SNCAIP: variants seen among roughly 807,000 people sequenced by gnomAD.
SNCAIP encodes synphilin-1.
In SNCAIP, 43 loss-of-function variants were observed where a neutral mutation model predicts 86.7. The observed-to-expected ratio is 0.50, with a 90% CI of 0.39 to 0.64. The LOEUF is 0.64. Ranked by LOEUF, SNCAIP falls within the 30% of genes least tolerant of loss-of-function variation. The probability of loss-of-function intolerance (pLI) is 0.00; values close to 1 mark genes in which losing one functional copy is unlikely to be tolerated. For missense variants in SNCAIP, 981 were observed against 1,103.1 expected (o/e 0.89, Z 1.57); for synonymous variants, 417 against 427.2 (o/e 0.98, Z 0.29).
chr5:122,401,264 G>A (rs191250378), intron 2 of SNCAIP: 5 of 858,022 alleles, frequency 5.8e-6, no homozygotes, highest in Non-Finnish European at 8.5e-6. Flanking sequence ...TGGATCATTT[G>A]CTCATTCCCA....
chr5:122,430,781 A>G (rs958487537), intron 5 of SNCAIP, among the ~76,000 whole-genome samples: 4 of 152,200 alleles, frequency 2.6e-5, no homozygotes, highest in East Asian at 1.9e-4. Context: ...ATAAACGACT[A>G]TAAGAAAATC....
chr5:122,316,923 C>T (rs551332525), intron 1 of SNCAIP, among the ~76,000 whole-genome samples: 3 of 152,308 alleles, frequency 2.0e-5, no homozygotes, highest in South Asian at 4.1e-4. Flanking sequence ...CTTTATGGAA[C>T]GACCTTGGAT....
chr5:122,462,670 G>A (rs1489681900), intron 10 of SNCAIP, among the ~76,000 whole-genome samples: 1 of 152,170 alleles, frequency 6.6e-6, no homozygotes, highest in Non-Finnish European at 1.5e-5. Context: ...TTGAGACTCT[G>A]GAGCCATGCC....
chr5:122,349,988 A>G (rs1463777687), intron 1 of SNCAIP, among the ~76,000 whole-genome samples: 1 of 152,156 alleles, frequency 6.6e-6, no homozygotes, highest in East Asian at 1.9e-4. Context: ...ATTCTTCCCT[A>G]TTATGATTTG....
intron 1 of SNCAIP, among the ~76,000 whole-genome samples, chr5:122,359,745 C>T (rs981139635): frequency 8.5e-5 from 13 of 152,062 alleles, no homozygotes; most frequent in African/African-American, 3.1e-4. Flanking sequence ...AATTAGTGAA[C>T]AGTTTTATTT....
intron 1 of SNCAIP, among the ~76,000 whole-genome samples, chr5:122,330,117 CTTTT>C (rs1212303157): frequency 1.7e-4 from 16 of 96,824 alleles, no homozygotes; most frequent in African/African-American, 3.9e-4. Context: ...AACTTCATTT[CTTTT>C]TTTTTTTTTT....
intron 1 of SNCAIP, among the ~76,000 whole-genome samples, chr5:122,358,159 TTGTGTGTGTG>T (rs36222259): frequency 4.1e-4 from 56 of 138,020 alleles, no homozygotes; most frequent in East Asian, 2.5e-3. Context: ...ATTTGTTTCT[TTGTGTGTGTG>T]TGTGTGTGTG....
chr5:122,366,093 A>G (rs1312946609), intron 1 of SNCAIP, among the ~76,000 whole-genome samples: 1 of 152,244 alleles, frequency 6.6e-6, no homozygotes, highest in Non-Finnish European at 1.5e-5. Context: ...TATTTTATAC[A>G]GAGGAAAATT....
Position 122,399,175 on chromosome 5 carries a change from G to A in SNCAIP, c.58-4618G>A, listed in dbSNP as rs138590315. ...CATCTGCTGAGCTTAAAGTCATGGC[G>A]GAAATGAAGATGAGGAGGGAAGCTC... is the stretch of plus-strand genomic sequence containing the variant. On this transcript the variant is annotated intron_variant, in intron 2 of 10. Transcript: ENST00000261368. Among the ~76,000 whole-genome samples, 314 of 152,128 alleles carry A rather than the reference G, an allele frequency of 2.1e-3. 1 individual carries two copies. The highest frequency in any genetic ancestry group is 7.3e-3 in the African/African-American group (302 of 41,506).
rs754378362 is a variant in SNCAIP, at chr5:122,423,628, G to C, written c.891G>C (p.Gln297His). ...CAGCAGAATCCAAACCAGAAGAGCA[G>C]GTCAGTGGCCTAAACCGGACCAGCT... The part of the protein sequence containing the change: ...SSAAESKPEE[Q>H]VSGLNRTSSQ... Residue 297 changes from glutamine (Q) to histidine (H), a missense_variant, in exon 4 of 11, where the codon CAG becomes CAC. Transcript: ENST00000261368. 2.5e-6 allele frequency: 4 copies of C among 1,613,704 alleles called. No homozygotes were observed. The highest frequency in any genetic ancestry group is 2.5e-6 in the Non-Finnish European group (3 of 1,180,022).
At chr5:122,414,061 C>T (rs1050140486) in intron 3 of SNCAIP, among the ~76,000 whole-genome samples, 1 of 152,072 alleles carries the variant, frequency 6.6e-6, no homozygotes, top group Non-Finnish European at 1.5e-5. Context: ...AGGAGCAAGC[C>T]ACCATGCCTG....
chr5:122,372,961 C>A (rs1764555184), intron 1 of SNCAIP, among the ~76,000 whole-genome samples: 1 of 152,094 alleles, frequency 6.6e-6, no homozygotes, highest in Non-Finnish European at 1.5e-5. Context: ...AACTAGAAAA[C>A]CATTCTACTT....
At chr5:122,401,013 C>T in intron 2 of SNCAIP, 1 of 1,550,224 alleles carries the variant, frequency 6.5e-7, no homozygotes, top group South Asian at 1.2e-5. Flanking sequence ...GAACAGGCTA[C>T]AAAAGCTTGG....
chr5:122,401,774 G>A (rs932546327), intron 2 of SNCAIP, among the ~76,000 whole-genome samples: 2 of 152,168 alleles, frequency 1.3e-5, no homozygotes. Context: ...CTGTAACTCA[G>A]TTCCCACACC....
At chr5:122,398,482 C>A (rs1283915119) in intron 2 of SNCAIP, among the ~76,000 whole-genome samples, 1 of 152,114 alleles carries the variant, frequency 6.6e-6, no homozygotes, top group Non-Finnish European at 1.5e-5. Context: ...CTGAAAATTT[C>A]ATTTCAGCTA....
rs143977773 is a variant in SNCAIP, at chr5:122,339,791, G to A, written c.-47+27507G>A. 4.8e-3 allele frequency among the ~76,000 whole-genome samples: 728 copies of A among 152,256 alleles called. 5 individuals are homozygous for A. The highest frequency in any genetic ancestry group is 0.016 in the African/African-American group (677 of 41,524). ...ATTTCTCAAGTTGTTTTCATGTTTGGCTAATACTGTCTGCTAGAACAGAAG... is the reference window on the plus strand; with the variant it reads ...ATTTCTCAAGTTGTTTTCATGTTTGACTAATACTGTCTGCTAGAACAGAAG... On this transcript the variant is annotated intron_variant, in intron 1 of 10. Coordinates refer to ENST00000261368, the MANE Select transcript of SNCAIP (RefSeq NM_005460.4).
chr5:122,428,984 C>T (rs866170891), intron 5 of SNCAIP, among the ~76,000 whole-genome samples: 1 of 151,574 alleles, frequency 6.6e-6, no homozygotes. Context: ...TTATGTCCTT[C>T]GATCATAATA....
intron 6 of SNCAIP, among the ~76,000 whole-genome samples, chr5:122,438,690 T>C (rs904346499): frequency 6.6e-6 from 1 of 152,232 alleles, no homozygotes; most frequent in Non-Finnish European, 1.5e-5. Context: ...TTTCCAAGAA[T>C]CTGTCCATGC....
intron 1 of SNCAIP, among the ~76,000 whole-genome samples, chr5:122,363,873 A>C (rs1762663925): frequency 6.6e-6 from 1 of 151,418 alleles, no homozygotes; most frequent in Non-Finnish European, 1.5e-5. Flanking sequence ...CCCAGGCTGG[A>C]GTGCAGTTAT....
Sources: allele counts gnomAD v4.1 joint callset (sites outside exome capture counted in the v4.1 genomes callset), GRCh38; gene constraint gnomAD v4.1.1; transcripts MANE v1.5; gene names NCBI Gene and HGNC (gene_info 2026-07-23, HGNC 2026-07-21).